Variants in MBP observed in about 807,000 individuals in gnomAD.
MBP encodes the protein Golli-MBP.
MBP carries 16 observed loss-of-function variants against 35.8 expected under a neutral mutation model. The ratio of observed to expected loss-of-function variants is 0.45; its 90% CI spans 0.30 to 0.68. The LOEUF is 0.68. Ranked by LOEUF, MBP falls within the 30% of genes least tolerant of loss-of-function variation. The pLI, the probability that MBP is intolerant of heterozygous loss-of-function variation, is 0.08. For synonymous variants in MBP, 143 were observed against 159.6 expected (o/e 0.90, Z 0.78); for missense variants, 380 against 404.7 (o/e 0.94, Z 0.52).
intron 1 of MBP, chr18:77,115,615 T>A (rs1976636263): frequency 6.6e-6 from 1 of 152,270 alleles, no homozygotes; most frequent in Non-Finnish European, 1.5e-5. Flanking sequence ...GCCCATCTTC[T>A]GATCAGTGCC....
chr18:77,010,810 GAA>G (rs1971303301), intron 4 of MBP, among the ~76,000 whole-genome samples: 1 of 152,212 alleles, frequency 6.6e-6, no homozygotes, highest in Non-Finnish European at 1.5e-5. Flanking sequence ...GGCTGCAGTT[GAA>G]AGACTATTAT....
intron 3 of MBP, among the ~76,000 whole-genome samples, chr18:77,038,148 T>C (rs1465972723): frequency 6.6e-6 from 1 of 152,166 alleles, no homozygotes; most frequent in East Asian, 1.9e-4. Context: ...GAAAGACGAA[T>C]CACATCCACA....
intron 8 of MBP, 27 bp downstream of exon 8, chr18:76,984,748 A>G (rs1453690774): frequency 2.5e-6 from 4 of 1,613,504 alleles, no homozygotes; most frequent in East Asian, 4.5e-5. Flanking sequence ...GTCCCCGCTC[A>G]GTGGAGCTGA....
Position 76,979,827 on chromosome 18 carries a change from C to T in MBP, c.*600G>A, listed in dbSNP as rs1042277618. On this transcript the variant is annotated 3_prime_UTR_variant, in exon 9 of 9. Transcript: ENST00000355994. ...GGAGGTGGCCCCCTCTCTGTGCTGC[C>T]CCACGTTGGACTCTAACAGCTGCCC... 3.2e-6 allele frequency: 2 copies of T among 633,478 alleles called. No homozygotes were observed. Among genetic ancestry groups the T allele is most frequent in the African/African-American group, 3.7e-5 (2 of 54,780 alleles). The allele number at this position is 633,478 out of a possible 1,614,324, so 39.2% of individuals were successfully genotyped here.
At chr18:76,985,047 AG>A (rs1969464224) in intron 7 of MBP, 153 bp from the exon 8 acceptor site, 3 of 1,484,608 alleles carry the variant, frequency 2.0e-6, no homozygotes, top group East Asian at 2.4e-5. Context: ...CACCACGCTG[AG>A]GGGGTGGGGG....
chr18:77,079,743 C>T (rs1347283770), intron 2 of MBP, among the ~76,000 whole-genome samples: 1 of 152,206 alleles, frequency 6.6e-6, no homozygotes, highest in Non-Finnish European at 1.5e-5. Flanking sequence ...CTCTCTCTCG[C>T]TTTCTCTAGT....
chr18:76,997,087 C>T (rs17576751), intron 4 of MBP, among the ~76,000 whole-genome samples: 41,214 of 152,102 alleles, frequency 0.27, 6,927 homozygotes, highest in Non-Finnish European at 0.39. Context: ...GAAAATATAG[C>T]CTCTTTTGGC....
chr18:77,017,080 T>C lies in MBP; in HGVS notation c.328A>G (p.Arg110Gly), dbSNP rs1171791651. Residue 110 changes from arginine (R) to glycine (G), a missense_variant, in exon 4 of 9, where the codon AGG (arginine) becomes GGG (glycine). Physicochemically the swap from Arg to Gly is moderately radical, Grantham distance 125. Transcript: ENST00000355994. The part of the protein sequence containing the change: ...PGREDNTFKD[R>G]PSESDELQTI... ...TGGAGCTCGTCGGACTCAGAGGGCC[T>C]GTCTTTGAAGGTGTTGTCCTCCCTC... 6.2e-7 allele frequency: 1 copy of C among 1,610,636 alleles called. No homozygotes were observed. The highest frequency in any genetic ancestry group is 8.5e-7 in the Non-Finnish European group (1 of 1,177,364).
chr18:76,992,522 C>T (rs1487259719), intron 4 of MBP, among the ~76,000 whole-genome samples: 1 of 152,194 alleles, frequency 6.6e-6, no homozygotes. Context: ...AGACTACTAA[C>T]AGCTCCCCTG....
At chr18:77,029,515 C>A (rs1284712525) in intron 3 of MBP, among the ~76,000 whole-genome samples, 1 of 150,032 alleles carries the variant, frequency 6.7e-6, no homozygotes, top group African/African-American at 2.5e-5. Flanking sequence ...GGGGTCTTGC[C>A]ACGTTTCCCA....
At chr18:77,016,325 C>A (rs981338185) in intron 4 of MBP, 3 of 987,430 alleles carry the variant, frequency 3.0e-6, no homozygotes, top group Non-Finnish European at 3.6e-6. Context: ...TTGCTCAAGG[C>A]GGATTTAAAT....
intron 2 of MBP, among the ~76,000 whole-genome samples, chr18:77,083,076 C>T (rs1975037176): frequency 6.6e-6 from 1 of 151,862 alleles, no homozygotes; most frequent in African/African-American, 2.4e-5. Flanking sequence ...TGGATTTGAA[C>T]GATTCTCATG....
At chr18:77,118,309 A>T (rs904328702) in intron 1 of MBP, among the ~76,000 whole-genome samples, 1 of 151,774 alleles carries the variant, frequency 6.6e-6, no homozygotes, top group African/African-American at 2.4e-5. Flanking sequence ...CCTCAGCCCG[A>T]CTGCTTGGTC....
chr18:77,049,342 T>C (rs1973389037), intron 3 of MBP, among the ~76,000 whole-genome samples: 1 of 152,242 alleles, frequency 6.6e-6, no homozygotes, highest in Admixed American at 6.5e-5. Flanking sequence ...ATAAAAAGCC[T>C]TGATGCATGA....
chr18:77,043,887 G>A (rs916755614), intron 3 of MBP, among the ~76,000 whole-genome samples: 5 of 151,822 alleles, frequency 3.3e-5, no homozygotes, highest in African/African-American at 9.7e-5. Flanking sequence ...GGACTGTCAC[G>A]CGTCCACTCT....
chr18:77,085,593 G>A (rs1223206410), intron 2 of MBP, among the ~76,000 whole-genome samples: 2 of 151,444 alleles, frequency 1.3e-5, no homozygotes, highest in Non-Finnish European at 2.9e-5. Context: ...TTCATCTTCT[G>A]ATTGTTTTCC....
chr18:76,985,355 T>C, intron 7 of MBP: 3 of 1,277,494 alleles, frequency 2.3e-6, no homozygotes, highest in Non-Finnish European at 3.0e-6. Context: ...CCTGCGCCTT[T>C]GCTGGGGGCT....
chr18:76,989,276 C>T lies in MBP; in HGVS notation c.682-364G>A, dbSNP rs927370065. The stretch of plus-strand genomic sequence containing the variant: ...CGGGCCCTCTGACATTCAGAGCTTC[C>T]AAGGGGATGTCCCCAGGTCTGCAGC... On this transcript the variant is annotated intron_variant, in intron 5 of 8. Transcript: ENST00000355994. This position sits in a 1 kb window ranked among gnomAD's most constrained non-coding sequence, Gnocchi z 4.0. 1.3e-5 allele frequency among the ~76,000 whole-genome samples: 2 copies of T among 152,190 alleles called. No individual in the cohort carries two copies. Among genetic ancestry groups the T allele is most frequent in the Non-Finnish European group, 1.5e-5 (1 of 68,030 alleles).
At chr18:77,081,808 A>AC (rs1171258602) in intron 2 of MBP, among the ~76,000 whole-genome samples, 30 of 78,034 alleles carry the variant, frequency 3.8e-4, no homozygotes, top group African/African-American at 1.2e-3. Flanking sequence ...ATATATATGC[A>AC]CACACATATA....
Sources: gnomAD v4.1 joint callset for allele counts (sites outside exome capture counted in the v4.1 genomes callset) on GRCh38, gnomAD v4.1.1 for gene constraint, Gnocchi (gnomAD v3.1) non-coding constraint, MANE v1.5 for transcripts, NCBI Gene and HGNC (gene_info 2026-07-23, HGNC 2026-07-21) for gene names.